Variants in RNF144A observed in about 807,000 individuals in gnomAD.
RNF144A encodes the protein ring finger protein 144A.
Under a neutral mutation model 38.7 loss-of-function variants are expected in RNF144A, and 11 were observed. The observed-to-expected ratio is 0.28, with a 90% CI of 0.18 to 0.47. RNF144A has a LOEUF of 0.47. Ranked by LOEUF, RNF144A falls within the 20% of genes least tolerant of loss-of-function variation. RNF144A has a pLI of 0.99. For synonymous variants in RNF144A, 149 were observed against 143.9 expected, an observed-to-expected ratio of 1.04 and a Z score of -0.25; for missense variants, 316 against 377.2, an observed-to-expected ratio of 0.84 and a Z score of 1.34.
intron 6 of RNF144A, among the ~76,000 whole-genome samples, chr2:7,056,754 T>TC (rs965613410): frequency 3.3e-5 from 5 of 152,008 alleles, no homozygotes; most frequent in African/African-American, 4.8e-5. Flanking sequence ...TTCCATGGTC[T>TC]CCCCCCCAGT....
intron 3 of RNF144A, among the ~76,000 whole-genome samples, chr2:7,012,371 G>A (rs1197611470): frequency 1.3e-5 from 2 of 152,198 alleles, no homozygotes. Context: ...TTATTGTCAA[G>A]TGCAGGGAGA....
chr2:6,920,567 G>A (rs1664479325), intron 1 of RNF144A, among the ~76,000 whole-genome samples: 1 of 152,204 alleles, frequency 6.6e-6, no homozygotes, highest in Non-Finnish European at 1.5e-5. Flanking sequence ...GGAACCCCTG[G>A]CTTCACAGGA....
chr2:7,034,579 A>C (rs1672540038), intron 8 of RNF144A, among the ~76,000 whole-genome samples: 1 of 152,224 alleles, frequency 6.6e-6, no homozygotes, highest in Non-Finnish European at 1.5e-5. Context: ...AGTGCTGTGA[A>C]GGACACCTGG....
At chr2:7,024,612 T>C in intron 7 of RNF144A, 96 bp downstream of exon 7, 1 of 1,387,644 alleles carries the variant, frequency 7.2e-7, no homozygotes. Flanking sequence ...AAGAGCTTGG[T>C]GCCTACTCCT....
intron 1 of RNF144A, among the ~76,000 whole-genome samples, chr2:6,934,734 G>C (rs547877542): frequency 1.6e-4 from 25 of 152,146 alleles, no homozygotes; most frequent in Non-Finnish European, 3.4e-4. Flanking sequence ...ACACTACTTA[G>C]AAGTATTTAA....
rs568437629 is a variant in RNF144A at position 7,059,354 on chromosome 2, AT to A, written c.735-8861del. 7.9e-5 allele frequency among the ~76,000 whole-genome samples: 12 copies of A among 152,290 alleles called. No homozygotes were observed. In the East Asian group the frequency reaches 1.7e-3, roughly 22 times the overall value. On this transcript the variant is annotated intron_variant, in intron 6 of 6. Transcript: ENST00000432850. ...GAGCGAGACTCCGCCTCAAAAAAAA[AT>A]AAATGCTACTTTGGATGTATCAGAA...
chr2:6,984,634 T>G (rs1250811313), intron 2 of RNF144A, among the ~76,000 whole-genome samples: 1 of 152,274 alleles, frequency 6.6e-6, no homozygotes, highest in Non-Finnish European at 1.5e-5. Context: ...AGGATGTCTC[T>G]GCCTTTTGTT....
rs1161161553 is a variant in RNF144A at position 6,962,545 on chromosome 2, A to G, written c.-12+21398A>G. On this transcript the variant is annotated intron_variant, in intron 2 of 8. Coordinates refer to ENST00000320892, the MANE Select transcript of RNF144A (RefSeq NM_014746.6). This position sits in a 1 kb window ranked among gnomAD's most constrained non-coding sequence, Gnocchi z 4.1. ...ATCTCATAATTTCTTTCTACCTCCC[A>G]TATCAAAACTTTGTGCTATTTAGCC... Among the ~76,000 whole-genome samples, 2 of 152,208 alleles carry G rather than the reference A, an allele frequency of 1.3e-5. No homozygotes were observed. The highest frequency in any genetic ancestry group is 2.9e-5 in the Non-Finnish European group (2 of 68,032).
rs1274955252 is a variant in RNF144A at position 6,996,760 on chromosome 2, A to C, written c.-11-156A>C. 2.7e-5 allele frequency: 20 copies of C among 741,858 alleles called. No individual in the cohort carries two copies. In the East Asian group the frequency reaches 4.9e-4, roughly 18 times the overall value. 46.0% of individuals were successfully genotyped at this position (741,858 alleles called of 1,614,324 possible). ...AGAGCGAGACTCCATCTCAAAAAAAACCAAAAAATTCTCAGAACATCCAGA... is the reference window on the plus strand; with the variant it reads ...AGAGCGAGACTCCATCTCAAAAAAACCCAAAAAATTCTCAGAACATCCAGA... On this transcript the variant is annotated intron_variant, in intron 2 of 8. Transcript: ENST00000320892.
At chr2:6,996,785 A>C in intron 2 of RNF144A, 131 bp from the exon 3 acceptor site, 10 of 862,338 alleles carry the variant, frequency 1.2e-5, no homozygotes, top group South Asian at 3.6e-5. Context: ...GAACATCCAG[A>C]TGCTCTAGGC....
rs1367459168 is a variant in RNF144A, at chr2:6,962,181, C to T, written c.-12+21034C>T. On this transcript the variant is annotated intron_variant, in intron 2 of 8. Coordinates refer to ENST00000320892, the MANE Select transcript of RNF144A (RefSeq NM_014746.6). The surrounding 1 kb of genome is among the most constrained non-coding windows in gnomAD (Gnocchi z 4.1). ...CATAGGGAGCTAAAGACTGGTTATG[C>T]CAGGTGTGCCATTTGCATAGGGCAC... 1.3e-5 allele frequency among the ~76,000 whole-genome samples: 2 copies of T among 152,292 alleles called. No individual in the cohort carries two copies. The highest frequency in any genetic ancestry group is 3.9e-4 in the East Asian group (2 of 5,178).
At chr2:7,007,833 C>T (rs1178828932) in intron 3 of RNF144A, among the ~76,000 whole-genome samples, 3 of 152,182 alleles carry the variant, frequency 2.0e-5, no homozygotes, top group Admixed American at 1.3e-4. Flanking sequence ...ACAGATAGAA[C>T]AAACGGGCCG....
At chr2:7,052,999 A>G (rs1191723728) in intron 6 of RNF144A, among the ~76,000 whole-genome samples, 1 of 152,188 alleles carries the variant, frequency 6.6e-6, no homozygotes, top group African/African-American at 2.4e-5. Flanking sequence ...AAATACTTCC[A>G]TATGTGTTTA....
At chr2:6,920,529 A>G (rs1468360460) in intron 1 of RNF144A, among the ~76,000 whole-genome samples, 1 of 152,168 alleles carries the variant, frequency 6.6e-6, no homozygotes, top group Non-Finnish European at 1.5e-5. Flanking sequence ...TCAGGATGAT[A>G]TTGAGCCCTC....
chr2:7,039,551 G>T, intron 8 of RNF144A, 78 bp from the exon 9 acceptor site: 1 of 1,565,180 alleles, frequency 6.4e-7, no homozygotes, highest in Admixed American at 1.8e-5. Context: ...TGGGTAGCTG[G>T]TTGTGTGGTT....
intron 6 of RNF144A, among the ~76,000 whole-genome samples, chr2:7,053,420 G>C (rs894182235): frequency 2.0e-5 from 3 of 152,194 alleles, no homozygotes; most frequent in African/African-American, 7.2e-5. Flanking sequence ...GTCTCACAAG[G>C]CTAAAAAGAT....
intron 1 of RNF144A, among the ~76,000 whole-genome samples, chr2:6,935,035 CCTT>C (rs2103286371): frequency 6.6e-6 from 1 of 151,842 alleles, no homozygotes; most frequent in South Asian, 2.1e-4. Context: ...GGCCATTGCA[CCTT>C]CTTCCTTCCT....
Position 7,017,452 on chromosome 2 carries a change from GC to G in RNF144A, c.301+2683del, listed in dbSNP as rs1208106666. Among the ~76,000 whole-genome samples the G allele has an allele frequency of 3.3e-5, 5 of 152,088 alleles. No homozygotes were observed. The East Asian group carries it at 9.7e-4, about 29-fold the overall frequency. The stretch of plus-strand genomic sequence containing the variant: ...CAGCAGGATCAAACCCACCATCCCA[GC>G]CCTGCACCAGGCACCAGCCCGCCGG... On this transcript the variant is annotated intron_variant, in intron 5 of 8. Transcript: ENST00000320892.
chr2:7,046,319 G>A (rs309298), downstream of RNF144A, among the ~76,000 whole-genome samples: 33,980 of 152,166 alleles, frequency 0.22, 4,776 homozygotes, highest in Admixed American at 0.35. Context: ...CCCAGGATGT[G>A]CATTTTCGGA....
Sources: allele counts gnomAD v4.1 joint callset (sites outside exome capture counted in the v4.1 genomes callset), GRCh38; gene constraint gnomAD v4.1.1; non-coding constraint Gnocchi (gnomAD v3.1); transcripts MANE v1.5; gene names NCBI Gene and HGNC (gene_info 2026-07-23, HGNC 2026-07-21).